INPP5A: variants seen among roughly 807,000 people sequenced by gnomAD.
The protein encoded by INPP5A is inositol polyphosphate-5-phosphatase A.
INPP5A carries 14 observed loss-of-function variants against 65.2 expected under a neutral mutation model. The observed-to-expected ratio is 0.21, with a 90% confidence interval of 0.14 to 0.34. The LOEUF (loss-of-function observed/expected upper bound fraction) is 0.34. INPP5A is among the 10% of genes least tolerant of loss of function. The pLI is 1.00. For synonymous variants in INPP5A, 207 were observed against 208.3 expected (o/e 0.99, Z 0.05); for missense variants, 431 against 545.6 (o/e 0.79, Z 2.09).
intron 9 of INPP5A, among the ~76,000 whole-genome samples, chr10:132,746,133 C>T (rs978599075): frequency 5.3e-5 from 8 of 152,228 alleles, no homozygotes; most frequent in East Asian, 1.9e-4. Flanking sequence ...CCAGGCAGGG[C>T]GCTCTGGACA....
chr10:132,633,990 A>G (rs1375909122), intron 2 of INPP5A, among the ~76,000 whole-genome samples: 1 of 152,236 alleles, frequency 6.6e-6, no homozygotes, highest in Non-Finnish European at 1.5e-5. Context: ...AAAACCAGAC[A>G]GTGCATCACT....
chr10:132,731,019 C>G (rs1189666130), intron 9 of INPP5A, among the ~76,000 whole-genome samples: 1 of 152,220 alleles, frequency 6.6e-6, no homozygotes, highest in African/African-American at 2.4e-5. Context: ...GCTGTCCAGC[C>G]AGCTTGGGCT....
chr10:132,763,627 A>G (rs1020791952), intron 11 of INPP5A, among the ~76,000 whole-genome samples: 6 of 151,670 alleles, frequency 4.0e-5, no homozygotes, highest in Non-Finnish European at 8.8e-5. Context: ...ATGCCTGTGC[A>G]CACATAAACA....
At chr10:132,655,273 T>G (rs949958292) in intron 4 of INPP5A, among the ~76,000 whole-genome samples, 1 of 152,180 alleles carries the variant, frequency 6.6e-6, no homozygotes, top group Non-Finnish European at 1.5e-5. Flanking sequence ...GGAACACATG[T>G]CCACCCACAG....
chr10:132,666,054 CAAAA>C (rs5789135), intron 4 of INPP5A, among the ~76,000 whole-genome samples: 4 of 136,180 alleles, frequency 2.9e-5, no homozygotes, highest in South Asian at 2.4e-4. Context: ...GATCCTGTCT[CAAAA>C]AAAAAAAAAA....
rs112634571 is a variant in INPP5A at position 132,678,269 on chromosome 10, C to A, written c.307-12123C>A. Among the ~76,000 whole-genome samples the A allele has an allele frequency of 0.015, 2,230 of 152,290 alleles. 50 individuals carry two copies. Among genetic ancestry groups the A allele is most frequent in the African/African-American group, 0.051 (2,127 of 41,556 alleles). On this transcript the variant is annotated intron_variant, in intron 4 of 15. Transcript: ENST00000368594. This position sits in a 1 kb window ranked among gnomAD's most constrained non-coding sequence, Gnocchi z 4.1. ...ACGCCGCCTTGTCCAGTTGGGTCAGCCGCCCATGAGTTCATTATACAGGAA... is the reference window on the plus strand; with the variant it reads ...ACGCCGCCTTGTCCAGTTGGGTCAGACGCCCATGAGTTCATTATACAGGAA...
At chr10:132,776,321 G>A (rs781142950) in intron 12 of INPP5A, among the ~76,000 whole-genome samples, 1 of 152,146 alleles carries the variant, frequency 6.6e-6, no homozygotes, top group Non-Finnish European at 1.5e-5. Context: ...GCGCGCGGAG[G>A]ATGGGAGCTC....
intron 1 of INPP5A, among the ~76,000 whole-genome samples, chr10:132,576,987 A>G (rs1476338330): frequency 6.6e-6 from 1 of 152,206 alleles, no homozygotes; most frequent in East Asian, 1.9e-4. Flanking sequence ...CACGGTTTGA[A>G]CGCACCTGTG....
intron 12 of INPP5A, among the ~76,000 whole-genome samples, chr10:132,768,884 G>T (rs572028088): frequency 6.6e-6 from 1 of 152,378 alleles, no homozygotes; most frequent in Non-Finnish European, 1.5e-5. Flanking sequence ...TCCCCGCCCT[G>T]GTTTTGGGCA....
intron 8 of INPP5A, among the ~76,000 whole-genome samples, chr10:132,713,386 G>A (rs565153624): frequency 7.8e-4 from 119 of 152,174 alleles, no homozygotes; most frequent in African/African-American, 2.7e-3. Context: ...TGCTGGCTCC[G>A]TCTGCTGCTG....
intron 9 of INPP5A, among the ~76,000 whole-genome samples, chr10:132,747,281 C>A (rs1322064516): frequency 6.6e-6 from 1 of 152,272 alleles, no homozygotes; most frequent in Non-Finnish European, 1.5e-5. Context: ...TTCTAATCCT[C>A]ACGCTGTTTG....
intron 1 of INPP5A, among the ~76,000 whole-genome samples, chr10:132,591,691 T>C (rs940811971): frequency 2.8e-4 from 42 of 152,246 alleles, no homozygotes; most frequent in Non-Finnish European, 2.9e-4. Flanking sequence ...CCTGCTTTCC[T>C]GGATTCTCCT....
At chr10:132,771,170 G>A (rs1259908692) in intron 12 of INPP5A, among the ~76,000 whole-genome samples, 1 of 152,142 alleles carries the variant, frequency 6.6e-6, no homozygotes, top group Non-Finnish European at 1.5e-5. Flanking sequence ...TCAGATGCAG[G>A]CACGCTCCCC....
At chr10:132,631,275 G>A (rs989039133) in intron 2 of INPP5A, among the ~76,000 whole-genome samples, 2 of 152,206 alleles carry the variant, frequency 1.3e-5, no homozygotes, top group East Asian at 3.8e-4. Flanking sequence ...GAGGCTGTCT[G>A]ACCAGGGGCC....
rs993593212 is a variant in INPP5A at position 132,555,276 on chromosome 10, T to C, written c.75+17105T>C. On this transcript the variant is annotated intron_variant, in intron 1 of 15. Transcript: ENST00000368594. The surrounding 1 kb of genome is among the most constrained non-coding windows in gnomAD (Gnocchi z 4.4). Reference sequence around the variant, plus strand: ...CCTTCACCGTGCTGGGGAAGGGCGCTCCTGATCCCTCTGTGAGACCAGTGA... The same window carrying C: ...CCTTCACCGTGCTGGGGAAGGGCGCCCCTGATCCCTCTGTGAGACCAGTGA... Among the ~76,000 whole-genome samples the C allele has an allele frequency of 1.3e-5, 2 of 152,046 alleles. No homozygotes were observed. The highest frequency in any genetic ancestry group is 4.8e-5 in the African/African-American group (2 of 41,362).
chr10:132,748,444 G>A (rs950299673), intron 9 of INPP5A, among the ~76,000 whole-genome samples: 2 of 152,174 alleles, frequency 1.3e-5, no homozygotes, highest in African/African-American at 4.8e-5. Flanking sequence ...AGGCATTCTT[G>A]TTTTCATGAC....
intron 4 of INPP5A, among the ~76,000 whole-genome samples, chr10:132,666,552 A>C (rs942023821): frequency 6.6e-6 from 1 of 152,228 alleles, no homozygotes; most frequent in Non-Finnish European, 1.5e-5. Flanking sequence ...CCCGTGGCGC[A>C]CCATCCCGAG....
At chr10:132,596,912 TGCATGTG>T (rs1564928912) in intron 1 of INPP5A, among the ~76,000 whole-genome samples, 1 of 53,104 alleles carries the variant, frequency 1.9e-5, no homozygotes, top group East Asian at 1.3e-3. Flanking sequence ...TGTGCATGTG[TGCATGTG>T]TGCGCGCATG....
rs183972534 is a variant in INPP5A at position 132,598,932 on chromosome 10, C to T, written c.76-8983C>T. Among the ~76,000 whole-genome samples the T allele has an allele frequency of 2.7e-3, 416 of 152,294 alleles. 2 individuals are homozygous for T. The highest frequency in any genetic ancestry group is 9.4e-3 in the African/African-American group (392 of 41,554). On this transcript the variant is annotated intron_variant, in intron 1 of 15. Coordinates refer to ENST00000368594, the MANE Select transcript of INPP5A (RefSeq NM_005539.5). ...AGATCTCTTGAGACTTATTCAGTAT[C>T]ATGGGAATAGCACAGCAAAGACCAA...
Sources: allele counts gnomAD v4.1 joint callset (sites outside exome capture counted in the v4.1 genomes callset), GRCh38; gene constraint gnomAD v4.1.1; non-coding constraint Gnocchi (gnomAD v3.1); transcripts MANE v1.5; gene names NCBI Gene and HGNC (gene_info 2026-07-23, HGNC 2026-07-21).